NAALADL2: variants seen among roughly 807,000 people sequenced by gnomAD.
NAALADL2 encodes inactive N-acetylated-alpha-linked acidic dipeptidase-like protein 2.
NAALADL2 carries 76 observed loss-of-function variants against 87.2 expected under a neutral mutation model. The ratio of observed to expected loss-of-function variants is 0.87; its 90% CI spans 0.72 to 1.05. The LOEUF is 1.05. Ranked by LOEUF, NAALADL2 falls within the 50% of genes least tolerant of loss-of-function variation. The pLI is 0.00. For missense variants in NAALADL2, 1,089 were observed against 945.8 expected, an observed-to-expected ratio of 1.15 and a Z score of -1.99; for synonymous variants, 354 against 331.0, an observed-to-expected ratio of 1.07 and a Z score of -0.75.
intron 6 of NAALADL2, among the ~76,000 whole-genome samples, chr3:175,452,117 A>G (rs1008276219): frequency 7.9e-5 from 12 of 152,340 alleles, no homozygotes; most frequent in African/African-American, 2.2e-4. Flanking sequence ...TGAATGCAAC[A>G]TTGTGTATTC....
At chr3:175,654,632 G>A (rs752289766) in intron 11 of NAALADL2, among the ~76,000 whole-genome samples, 7 of 152,108 alleles carry the variant, frequency 4.6e-5, no homozygotes, top group Non-Finnish European at 1.0e-4. Flanking sequence ...AATTGGCATC[G>A]CTGTAAGTGC....
chr3:174,796,410 G>A (rs539806747), intron 3 of NAALADL2, among the ~76,000 whole-genome samples: 1 of 152,056 alleles, frequency 6.6e-6, no homozygotes, highest in South Asian at 2.1e-4. Context: ...AGTGCCTATG[G>A]TACTATATTC....
chr3:174,659,242 T>C (rs1006908189), intron 2 of NAALADL2, among the ~76,000 whole-genome samples: 1 of 152,194 alleles, frequency 6.6e-6, no homozygotes, highest in African/African-American at 2.4e-5. Flanking sequence ...ATCAAAACTA[T>C]GTTCCCTCGT....
intron 2 of NAALADL2, among the ~76,000 whole-genome samples, chr3:175,139,493 TC>T (rs1332049131): frequency 2.0e-5 from 3 of 152,146 alleles, no homozygotes; most frequent in Non-Finnish European, 4.4e-5. Context: ...TTAATTTATT[TC>T]CTATGTCTCT....
chr3:174,987,589 A>AT (rs1746084456), intron 1 of NAALADL2, among the ~76,000 whole-genome samples: 8 of 141,248 alleles, frequency 5.7e-5, no homozygotes, highest in African/African-American at 2.2e-4. Context: ...AAAAAAAAAA[A>AT]AAAAAAAAAC....
intron 11 of NAALADL2, among the ~76,000 whole-genome samples, chr3:175,728,531 A>G (rs1743238365): frequency 6.6e-6 from 1 of 151,832 alleles, no homozygotes; most frequent in Non-Finnish European, 1.5e-5. Context: ...AACTCCCTCC[A>G]CTCTTCTTGC....
At chr3:175,408,258 G>C (rs1712798643) in intron 5 of NAALADL2, among the ~76,000 whole-genome samples, 1 of 152,004 alleles carries the variant, frequency 6.6e-6, no homozygotes, top group Admixed American at 6.6e-5. Context: ...TTTCAAAATT[G>C]ATAAAAGAGT....
At chr3:175,685,789 C>G (rs576885719) in intron 11 of NAALADL2, among the ~76,000 whole-genome samples, 3 of 152,130 alleles carry the variant, frequency 2.0e-5, no homozygotes, top group Non-Finnish European at 4.4e-5. Context: ...ACATTGGTTA[C>G]GAAAGAATTC....
chr3:175,190,829 T>C (rs1424551615), intron 2 of NAALADL2, among the ~76,000 whole-genome samples: 1 of 151,492 alleles, frequency 6.6e-6, no homozygotes, highest in Non-Finnish European at 1.5e-5. Flanking sequence ...ACAAAAAAAA[T>C]TAGCCGGGCG....
chr3:175,016,567 TA>T (rs972485586), intron 1 of NAALADL2, among the ~76,000 whole-genome samples: 6 of 151,370 alleles, frequency 4.0e-5, no homozygotes, highest in African/African-American at 1.2e-4. Flanking sequence ...TGTGCTTTAT[TA>T]AAAAAAATTT....
rs571211862 is a variant in NAALADL2 at position 175,290,544 on chromosome 3, A to G, written c.940-33631A>G. 2.0e-5 allele frequency among the ~76,000 whole-genome samples: 3 copies of G among 152,290 alleles called. No individual in the cohort carries two copies. In the South Asian group the frequency reaches 6.2e-4, roughly 32 times the overall value. On this transcript the variant is annotated intron_variant, in intron 4 of 13. Transcript: ENST00000454872. ...TTTGGTGGTGGTTACATGGGCATAT[A>G]TATGTTTTCGAAACTCCTTGAAATT... is the stretch of plus-strand genomic sequence containing the variant.
At chr3:175,345,452 T>C (rs944270893) in intron 5 of NAALADL2, among the ~76,000 whole-genome samples, 1 of 152,136 alleles carries the variant, frequency 6.6e-6, no homozygotes, top group African/African-American at 2.4e-5. Flanking sequence ...GACCAGGGAA[T>C]GAAGGCATCA....
chr3:175,465,939 T>G (rs1723952480), intron 7 of NAALADL2, among the ~76,000 whole-genome samples: 1 of 152,240 alleles, frequency 6.6e-6, no homozygotes, highest in South Asian at 2.1e-4. Flanking sequence ...TGTTGAGCAT[T>G]GTTCAAAGTG....
chr3:174,734,076 T>C (rs976698769), intron 2 of NAALADL2, among the ~76,000 whole-genome samples: 1 of 152,178 alleles, frequency 6.6e-6, no homozygotes, highest in East Asian at 1.9e-4. Context: ...GGTTTCACTT[T>C]TTCATTTTCG....
chr3:175,307,719 A>T (rs1364255595), intron 4 of NAALADL2, among the ~76,000 whole-genome samples: 1 of 152,158 alleles, frequency 6.6e-6, no homozygotes, highest in Non-Finnish European at 1.5e-5. Context: ...AACATTGTGG[A>T]TTTCTTAGCA....
intron 5 of NAALADL2, among the ~76,000 whole-genome samples, chr3:175,351,453 G>A (rs1445753544): frequency 7.9e-6 from 1 of 126,028 alleles, no homozygotes; most frequent in Admixed American, 8.2e-5. Flanking sequence ...GTCCAAACAA[G>A]TATTTTCCAA....
At chr3:175,320,333 A>G (rs915869035) in intron 4 of NAALADL2, among the ~76,000 whole-genome samples, 7 of 152,230 alleles carry the variant, frequency 4.6e-5, no homozygotes, top group African/African-American at 1.7e-4. Context: ...ACCAAGGAAC[A>G]GAGAGGAATC....
At chr3:174,942,552 G>A (rs1017545145) in intron 1 of NAALADL2, among the ~76,000 whole-genome samples, 1 of 151,940 alleles carries the variant, frequency 6.6e-6, no homozygotes, top group Admixed American at 6.6e-5. Context: ...GGAGTTTTCT[G>A]TGTTTCCTGA....
intron 2 of NAALADL2, among the ~76,000 whole-genome samples, chr3:174,582,541 CTTTAA>C (rs1172031393): frequency 6.6e-6 from 1 of 152,066 alleles, no homozygotes; most frequent in Non-Finnish European, 1.5e-5. Flanking sequence ...CAAATTCTAT[CTTTAA>C]TTTATATGAC....
Sources: allele counts gnomAD v4.1 joint callset (sites outside exome capture counted in the v4.1 genomes callset), GRCh38; gene constraint gnomAD v4.1.1; transcripts MANE v1.5; gene names NCBI Gene and HGNC (gene_info 2026-07-23, HGNC 2026-07-21).